CLNK: variants seen among roughly 807,000 people sequenced by gnomAD.
CLNK encodes cytokine-dependent hematopoietic cell linker.
CLNK carries 74 observed loss-of-function variants against 68.6 expected under a neutral mutation model. The ratio of observed to expected loss-of-function variants is 1.08; its 90% CI spans 0.89 to 1.31. The LOEUF (loss-of-function observed/expected upper bound fraction) is 1.31, where lower values mean the gene tolerates loss of function less well. Among genes scored for constraint, CLNK ranks in the 50% most tolerant of loss-of-function variants. The probability of loss-of-function intolerance (pLI) is 0.00; values close to 1 mark genes in which losing one functional copy is unlikely to be tolerated. For synonymous variants in CLNK, 198 were observed against 172.2 expected, an observed-to-expected ratio of 1.15 and a Z score of -1.17; for missense variants, 553 against 515.3, an observed-to-expected ratio of 1.07 and a Z score of -0.71.
the CLNK span, among the ~76,000 whole-genome samples, chr4:10,723,882 C>CAGAGAG: frequency 0.13 from 9,348 of 70,856 alleles, 872 homozygotes; most frequent in Non-Finnish European, 0.19. Flanking sequence ...ACACAGGAGT[C>CAGAGAG]AGAGAGAGAG....
intron 7 of CLNK, among the ~76,000 whole-genome samples, chr4:10,564,123 A>G (rs1720005277): frequency 1.4e-5 from 2 of 142,496 alleles, no homozygotes; most frequent in Admixed American, 7.2e-5. Context: ...TTTTTTTGAG[A>G]CGGAGTCCCA....
At chr4:10,522,785 C>G (rs1190594559) in intron 14 of CLNK, among the ~76,000 whole-genome samples, 2 of 152,142 alleles carry the variant, frequency 1.3e-5, no homozygotes, top group African/African-American at 4.8e-5. Context: ...AAGGTGTGCA[C>G]AGCATAAGTT....
Position 10,649,501 on chromosome 4 carries a change from A to G in CLNK, c.11+18358T>C, listed in dbSNP as rs539798798. On this transcript the variant is annotated intron_variant, in intron 2 of 18. Transcript: ENST00000226951. ...GGGAGACTTGATACAAAGCTCACAT[A>G]TTCTACACTGTGGAATAATCTAGCA... 2.6e-5 allele frequency among the ~76,000 whole-genome samples: 4 copies of G among 152,286 alleles called. No individual in the cohort carries two copies. In the East Asian group the frequency reaches 7.7e-4, roughly 29 times the overall value.
At chr4:10,577,261 G>A (rs1018963462) in intron 4 of CLNK, among the ~76,000 whole-genome samples, 6 of 152,218 alleles carry the variant, frequency 3.9e-5, no homozygotes, top group Non-Finnish European at 8.8e-5. Context: ...TGGAGAAGGG[G>A]AGGAGAGGTG....
chr4:10,733,837 C>G, the CLNK span, among the ~76,000 whole-genome samples: 1 of 152,216 alleles, frequency 6.6e-6, no homozygotes, highest in Non-Finnish European at 1.5e-5. Context: ...GCAATGTGTT[C>G]CAGCCCCAGA....
At chr4:10,658,696 G>T (rs79935097) in intron 2 of CLNK, among the ~76,000 whole-genome samples, 2 of 152,176 alleles carry the variant, frequency 1.3e-5, no homozygotes, top group Non-Finnish European at 2.9e-5. Flanking sequence ...GCTTCTAAAG[G>T]CAGGAAGCAG....
the CLNK span, among the ~76,000 whole-genome samples, chr4:10,726,525 C>G: frequency 1.3e-5 from 2 of 152,176 alleles, no homozygotes; most frequent in African/African-American, 4.8e-5. Context: ...CTAATTACAT[C>G]TGCAATTGCT....
intron 2 of CLNK, among the ~76,000 whole-genome samples, chr4:10,653,309 T>C (rs151024981): frequency 1.2e-4 from 19 of 152,074 alleles, no homozygotes; most frequent in African/African-American, 4.3e-4. Flanking sequence ...GTATACAAAA[T>C]GTGCAGACAA....
chr4:10,493,052 C>T (rs1241655164), intron 18 of CLNK, among the ~76,000 whole-genome samples: 1 of 152,204 alleles, frequency 6.6e-6, no homozygotes, highest in African/African-American at 2.4e-5. Flanking sequence ...CGTGGTGGCT[C>T]ACGCCTGTAA....
At chr4:10,546,828 G>C (rs1041208619) in intron 8 of CLNK, among the ~76,000 whole-genome samples, 3 of 152,122 alleles carry the variant, frequency 2.0e-5, no homozygotes, top group Non-Finnish European at 4.4e-5. Context: ...ATTTCTTTCA[G>C]TTGTGGAGGC....
At chr4:10,705,037 C>T in the CLNK span, among the ~76,000 whole-genome samples, 1 of 151,342 alleles carries the variant, frequency 6.6e-6, no homozygotes, top group African/African-American at 2.4e-5. Context: ...CTTCATTAAG[C>T]AAAAAAGGTC....
intron 18 of CLNK, among the ~76,000 whole-genome samples, chr4:10,494,108 T>C (rs1716707890): frequency 6.6e-6 from 1 of 152,246 alleles, no homozygotes; most frequent in Non-Finnish European, 1.5e-5. Context: ...GAATTTTCTG[T>C]ATTTCATTTC....
chr4:10,676,287 C>A (rs1457002910), intron 1 of CLNK, among the ~76,000 whole-genome samples: 1 of 151,884 alleles, frequency 6.6e-6, no homozygotes, highest in African/African-American at 2.4e-5. Context: ...AATTCTATAC[C>A]CCAGTCAGAT....
At chr4:10,552,807 C>G (rs1577124877) in intron 8 of CLNK, among the ~76,000 whole-genome samples, 1 of 152,298 alleles carries the variant, frequency 6.6e-6, no homozygotes, top group South Asian at 2.1e-4. Flanking sequence ...GCCCTGGTCT[C>G]TCTTTATGCA....
intron 17 of CLNK, among the ~76,000 whole-genome samples, chr4:10,504,285 T>A (rs971597628): frequency 2.0e-5 from 3 of 151,906 alleles, no homozygotes. Flanking sequence ...CACGCCCGGC[T>A]AACTTTTTGT....
At chr4:10,610,033 G>GTTTTT (rs71181047) in intron 2 of CLNK, among the ~76,000 whole-genome samples, 6 of 73,450 alleles carry the variant, frequency 8.2e-5, no homozygotes, top group South Asian at 5.7e-4. Flanking sequence ...ATGAATGCTC[G>GTTTTT]TTTTTTTTTT....
chr4:10,550,587 G>A (rs964870548), intron 8 of CLNK, among the ~76,000 whole-genome samples: 2 of 152,150 alleles, frequency 1.3e-5, no homozygotes, highest in East Asian at 1.9e-4. Context: ...CAAGACTCAC[G>A]ATGGATGTCT....
At chr4:10,646,833 T>TAGAGCAACTCTGTGA (rs1341692941) in intron 2 of CLNK, among the ~76,000 whole-genome samples, 1 of 152,236 alleles carries the variant, frequency 6.6e-6, no homozygotes, top group Non-Finnish European at 1.5e-5. Flanking sequence ...CACATGTTCC[T>TAGAGCAACTCTGTGA]AGAGCAACTC....
intron 14 of CLNK, among the ~76,000 whole-genome samples, chr4:10,521,295 T>C (rs186323832): frequency 1.3e-5 from 2 of 152,120 alleles, no homozygotes; most frequent in African/African-American, 2.4e-5. Context: ...TAGTGGATTA[T>C]GATAAGAAAA....
Sources: allele counts gnomAD v4.1 joint callset (sites outside exome capture counted in the v4.1 genomes callset), GRCh38; gene constraint gnomAD v4.1.1; transcripts MANE v1.5; gene names NCBI Gene and HGNC (gene_info 2026-07-23, HGNC 2026-07-21).